Variants in COL25A1 observed in about 807,000 individuals in gnomAD.
COL25A1 encodes the protein collagen alpha-1(XXV) chain.
In COL25A1, 103 loss-of-function variants were observed where a neutral mutation model predicts 128.4. That is an observed-to-expected ratio of 0.80 (90% CI 0.68 to 0.94). The LOEUF (loss-of-function observed/expected upper bound fraction) is 0.94, where lower values mean the gene tolerates loss of function less well. Ranked by LOEUF, COL25A1 falls within the 40% of genes least tolerant of loss-of-function variation. COL25A1 has a pLI of 0.00. For missense variants in COL25A1, 745 were observed against 840.0 expected (o/e 0.89, Z 1.40); for synonymous variants, 279 against 277.2 (o/e 1.01, Z -0.06).
chr4:109,052,264 T>C lies in COL25A1; in HGVS notation c.368-2085A>G, dbSNP rs1041523433. On this transcript the variant is annotated intron_variant, in intron 3 of 37. Transcript: ENST00000399132. ...CTTTTGAAGAAATCAAAAACCAAAA[T>C]ATAAATATTTCTGAACATATCTGGA... Among the ~76,000 whole-genome samples, 28 of 152,256 alleles carry C rather than the reference T, an allele frequency of 1.8e-4. 1 individual carries two copies. The highest frequency in any genetic ancestry group is 6.3e-4 in the African/African-American group (26 of 41,552).
At chr4:108,843,149 A>AT (rs1491198676) in intron 30 of COL25A1, among the ~76,000 whole-genome samples, 8 of 18,408 alleles carry the variant, frequency 4.3e-4, no homozygotes, top group African/African-American at 1.2e-3. Flanking sequence ...ACCCTGTCTC[A>AT]AAAAAAAAAA....
intron 8 of COL25A1, among the ~76,000 whole-genome samples, chr4:108,955,389 A>G (rs895279210): frequency 6.6e-6 from 1 of 152,122 alleles, no homozygotes; most frequent in South Asian, 2.1e-4. Context: ...ACTAAGAAAA[A>G]AAAAGATTTT....
chr4:109,192,780 G>C (rs955892182), intron 3 of COL25A1, among the ~76,000 whole-genome samples: 1 of 151,972 alleles, frequency 6.6e-6, no homozygotes, highest in African/African-American at 2.4e-5. Context: ...CATGAACCTG[G>C]GATCCAGAGC....
intron 18 of COL25A1, among the ~76,000 whole-genome samples, chr4:108,884,666 A>T (rs1458352929): frequency 6.6e-6 from 1 of 152,236 alleles, no homozygotes; most frequent in Non-Finnish European, 1.5e-5. Flanking sequence ...GGTCACATCA[A>T]AACAATATTC....
At chr4:108,852,335 C>A (rs779358675) in intron 25 of COL25A1, 55 bp from the exon 26 acceptor site, 13 of 1,324,812 alleles carry the variant, frequency 9.8e-6, no homozygotes, top group Middle Eastern at 1.9e-4. Flanking sequence ...TATTAAAATT[C>A]ATACCTTAAA....
chr4:109,222,052 A>T (rs1484424130), intron 3 of COL25A1, among the ~76,000 whole-genome samples: 1 of 146,920 alleles, frequency 6.8e-6, no homozygotes, highest in Non-Finnish European at 1.5e-5. Flanking sequence ...TGTGCTCTAA[A>T]TAACTTCTTT....
intron 5 of COL25A1, among the ~76,000 whole-genome samples, chr4:109,026,796 T>G (rs994681232): frequency 7.2e-5 from 11 of 152,180 alleles, no homozygotes; most frequent in African/African-American, 2.7e-4. Context: ...AAGAAATGGC[T>G]TGCAGAGCAG....
At chr4:109,226,446 C>T (rs773167816) in intron 3 of COL25A1, among the ~76,000 whole-genome samples, 2 of 152,002 alleles carry the variant, frequency 1.3e-5, no homozygotes, top group East Asian at 1.9e-4. Context: ...AAAATGGCAG[C>T]GATTTAATGA....
chr4:108,829,257 C>G (rs532530517), intron 32 of COL25A1, among the ~76,000 whole-genome samples: 3 of 152,096 alleles, frequency 2.0e-5, no homozygotes, highest in Non-Finnish European at 4.4e-5. Context: ...ATGCCTTGCA[C>G]TTTAGGAGTT....
At chr4:108,905,800 A>C (rs1162494700) in intron 13 of COL25A1, among the ~76,000 whole-genome samples, 2 of 149,844 alleles carry the variant, frequency 1.3e-5, no homozygotes, top group African/African-American at 2.5e-5. Context: ...ACTCCATTGC[A>C]TATGCAGTTA....
chr4:108,929,900 A>G (rs1421469982), intron 11 of COL25A1, among the ~76,000 whole-genome samples: 1 of 152,122 alleles, frequency 6.6e-6, no homozygotes, highest in African/African-American at 2.4e-5. Flanking sequence ...ATCCTACCCA[A>G]TCCTACCCTT....
At chr4:109,096,379 G>A (rs537295971) in intron 3 of COL25A1, among the ~76,000 whole-genome samples, 37 of 152,260 alleles carry the variant, frequency 2.4e-4, no homozygotes, top group South Asian at 1.0e-3. Flanking sequence ...CCTTTGTAAT[G>A]TCACAGAACA....
At chr4:109,054,486 G>A (rs746587759) in intron 3 of COL25A1, among the ~76,000 whole-genome samples, 8 of 152,048 alleles carry the variant, frequency 5.3e-5, no homozygotes, top group African/African-American at 7.2e-5. Context: ...AACCATTTCC[G>A]TGCTATATTA....
intron 3 of COL25A1, among the ~76,000 whole-genome samples, chr4:109,201,070 A>G (rs1002741993): frequency 2.0e-5 from 3 of 152,138 alleles, no homozygotes; most frequent in African/African-American, 7.2e-5. Flanking sequence ...ACAAGTCTCA[A>G]TACATCAATG....
At chr4:109,262,271 T>C (rs565460397) in intron 3 of COL25A1, among the ~76,000 whole-genome samples, 1 of 151,860 alleles carries the variant, frequency 6.6e-6, no homozygotes, top group South Asian at 2.1e-4. Context: ...CCCAGCACTT[T>C]GGGAGGCCGA....
intron 3 of COL25A1, among the ~76,000 whole-genome samples, chr4:109,132,070 T>G (rs1012247815): frequency 2.9e-4 from 44 of 152,080 alleles, no homozygotes; most frequent in Non-Finnish European, 6.2e-4. Context: ...TGAAAAATAT[T>G]AGGTTTGAAA....
chr4:108,956,649 A>G (rs1750106250), intron 8 of COL25A1, among the ~76,000 whole-genome samples: 1 of 152,110 alleles, frequency 6.6e-6, no homozygotes, highest in African/African-American at 2.4e-5. Flanking sequence ...CAGGTGATCC[A>G]CCTGCTTTGG....
Position 109,225,151 on chromosome 4 carries a change from TC to T in COL25A1, c.367+75431del, listed in dbSNP as rs548362188. ...AGGGTTAGACTTTCCAATTAAATTA[TC>T]ACTTCAGTAGGTATATCTGACAACT... On this transcript the variant is annotated intron_variant, in intron 3 of 37. Coordinates refer to ENST00000399132, the MANE Select transcript of COL25A1 (RefSeq NM_198721.4). Among the ~76,000 whole-genome samples, 119 of 152,324 alleles carry T rather than the reference TC, an allele frequency of 7.8e-4. 4 individuals are homozygous for T. In the South Asian group the frequency reaches 0.023, roughly 30 times the overall value.
rs1386830228 is a variant in COL25A1 at position 108,992,191 on chromosome 4, C to T, written c.439-17632G>A. Among the ~76,000 whole-genome samples, 3 of 152,242 alleles carry T rather than the reference C, an allele frequency of 2.0e-5. No homozygotes were observed. The East Asian group carries it at 5.8e-4, about 29-fold the overall frequency. ...GCATAACACTTTACTCCTCCAAATT[C>T]CTAAGGCAATTATATCTCCTTTATG... On this transcript the variant is annotated intron_variant, in intron 6 of 37. Coordinates refer to ENST00000399132, the MANE Select transcript of COL25A1 (RefSeq NM_198721.4).
Sources: allele counts gnomAD v4.1 joint callset (sites outside exome capture counted in the v4.1 genomes callset), GRCh38; gene constraint gnomAD v4.1.1; transcripts MANE v1.5; gene names NCBI Gene and HGNC (gene_info 2026-07-23, HGNC 2026-07-21).